PXMP2: variants seen among roughly 807,000 people sequenced by gnomAD.
PXMP2 encodes 22 kDa peroxisomal membrane protein.
A neutral mutation model predicts 20.2 loss-of-function variants in PXMP2; 13 were observed. The ratio of observed to expected loss-of-function variants is 0.64; its 90% confidence interval spans 0.42 to 1.02. The LOEUF (loss-of-function observed/expected upper bound fraction) is 1.02, where lower values mean the gene tolerates loss of function less well. Ranked by LOEUF, PXMP2 falls within the 50% of genes least tolerant of loss-of-function variation. PXMP2 has a pLI of 0.00. For missense variants in PXMP2, 284 were observed against 251.8 expected, an observed-to-expected ratio of 1.13 and a Z score of -0.87; for synonymous variants, 113 against 111.2, an observed-to-expected ratio of 1.02 and a Z score of -0.10.
chr12:132,701,161 T>C, intron 3 of PXMP2, 89 bp from the exon 4 acceptor site: 1 of 1,558,784 alleles, frequency 6.4e-7, no homozygotes, highest in Non-Finnish European at 8.7e-7. Flanking sequence ...AATAGCAGTT[T>C]AAAAACCATC....
intron 3 of PXMP2, among the ~76,000 whole-genome samples, chr12:132,699,525 GCT>G (rs1491564678): frequency 2.4e-5 from 3 of 126,014 alleles, no homozygotes; most frequent in African/African-American, 9.6e-5. Flanking sequence ...CAAAAGACAT[GCT>G]TTTTTTTTTT....
chr12:132,695,147 TAGTG>T (rs2043403490), intron 2 of PXMP2, among the ~76,000 whole-genome samples: 1 of 150,194 alleles, frequency 6.7e-6, no homozygotes, highest in Admixed American at 6.6e-5. Flanking sequence ...GCCAGTTAGT[TAGTG>T]AGCGCCCTTG....
At chr12:132,695,296 C>T (rs1268953480) in intron 2 of PXMP2, among the ~76,000 whole-genome samples, 1 of 151,324 alleles carries the variant, frequency 6.6e-6, no homozygotes, top group African/African-American at 2.4e-5. Context: ...TAGTGAGTTC[C>T]CTTGCCAGTT....
intron 2 of PXMP2, among the ~76,000 whole-genome samples, chr12:132,692,449 G>A (rs2043375267): frequency 1.2e-5 from 1 of 85,206 alleles, no homozygotes; most frequent in African/African-American, 3.9e-5. Context: ...AGCGCCCTTA[G>A]CCAGTTAGTT....
chr12:132,690,076 C>G lies in PXMP2; in HGVS notation c.123-187C>G, dbSNP rs369131078. 2.4e-4 allele frequency among the ~76,000 whole-genome samples: 36 copies of G among 152,332 alleles called. No homozygotes were observed. The South Asian group carries it at 7.0e-3, about 30-fold the overall frequency. On this transcript the variant is annotated intron_variant, in intron 1 of 4. Transcript: ENST00000317479. The stretch of plus-strand genomic sequence containing the variant: ...ATACTGGAAAGCCACTTGTCCTTAC[C>G]TGTGTGTTTAAGTCCACCGTCTCCA...
Position 132,699,562 on chromosome 12 carries a change from G to A in PXMP2, c.400-1688G>A, listed in dbSNP as rs192188972. ...TTTTTTTTTTTTGACACAGAGTCTC[G>A]CTCTTTCATCCAGGCTGGAGTGTAG... On this transcript the variant is annotated intron_variant, in intron 3 of 4. Coordinates refer to ENST00000317479, the MANE Select transcript of PXMP2 (RefSeq NM_018663.3). 3.5e-4 allele frequency among the ~76,000 whole-genome samples: 43 copies of A among 123,054 alleles called. 1 individual carries two copies. The East Asian group carries it at 8.0e-3, about 23-fold the overall frequency. 80.7% of individuals were successfully genotyped at this position (123,054 alleles called of 152,430 possible).
intron 2 of PXMP2, among the ~76,000 whole-genome samples, chr12:132,691,919 G>A (rs1485372443): frequency 6.6e-6 from 1 of 152,274 alleles, no homozygotes; most frequent in Non-Finnish European, 1.5e-5. Context: ...GGAATGATTA[G>A]TAGCAACGCA....
At chr12:132,704,161 G>C (rs2043457653) in intron 4 of PXMP2, among the ~76,000 whole-genome samples, 1 of 152,164 alleles carries the variant, frequency 6.6e-6, no homozygotes, top group Admixed American at 6.5e-5. Context: ...AGAGGATTCT[G>C]GGGAAGGGTG....
intron 4 of PXMP2, chr12:132,702,695 C>T: frequency 5.7e-6 from 1 of 176,090 alleles, no homozygotes; most frequent in South Asian, 8.5e-5. Flanking sequence ...AGTCCAGGCA[C>T]AGGGCAGGTG....
intron 4 of PXMP2, 106 bp downstream of exon 4, chr12:132,701,475 T>A: frequency 7.1e-7 from 1 of 1,407,294 alleles, no homozygotes; most frequent in Non-Finnish European, 9.5e-7. Context: ...TCTTTTCTCT[T>A]CTCTTCTTTC....
At chr12:132,687,968 C>A in intron 1 of PXMP2, 176 bp downstream of exon 1, 1 of 573,310 alleles carries the variant, frequency 1.7e-6, no homozygotes, top group Non-Finnish European at 2.3e-6. Flanking sequence ...CCCGCGTCCG[C>A]AGTCAGCGAT....
Position 132,696,651 on chromosome 12 carries a change from T to G in PXMP2, c.399+605T>G, listed in dbSNP as rs189473547. ...CGTCTCTACTAAAAATACAAAAAAT[T>G]TAGCTGGGCACAGTGGCAGTCGCCT... is the stretch of plus-strand genomic sequence containing the variant. On this transcript the variant is annotated intron_variant, in intron 3 of 4. Transcript: ENST00000317479. This position sits in a 1 kb window ranked among gnomAD's most constrained non-coding sequence, Gnocchi z 4.4. Among the ~76,000 whole-genome samples the G allele has an allele frequency of 1.6e-3, 243 of 151,762 alleles. 1 individual carries two copies. The highest frequency in any genetic ancestry group is 5.6e-3 in the African/African-American group (232 of 41,382).
At position 132,690,363 on chromosome 12, in the gene PXMP2, T is replaced by C; in HGVS notation, c.223T>C (p.Tyr75His). 6.2e-7 allele frequency: 1 copy of C among 1,612,126 alleles called. No individual in the cohort carries two copies. Among genetic ancestry groups the C allele is most frequent in the Non-Finnish European group, 8.5e-7 (1 of 1,178,856 alleles). Residue 75 changes from tyrosine to histidine, a missense_variant, in exon 2 of 5, where the codon TAT becomes CAT. Physicochemically the swap from Tyr to His is moderately conservative, Grantham distance 83. Coordinates refer to ENST00000317479, the MANE Select transcript of PXMP2 (RefSeq NM_018663.3). ...TCTGGATGTCGGTGGGCCTCTGAGATATGCCGTTTACGGGTGAGTGCCATA... is the reference window on the plus strand; with the variant it reads ...TCTGGATGTCGGTGGGCCTCTGAGACATGCCGTTTACGGGTGAGTGCCATA... ...RSLDVGGPLR[Y>H]AVYGFFFTGP...
rs773615151 is a variant in PXMP2, at chr12:132,704,748, G to T, written c.*61G>T. 5 of 1,512,926 alleles carry T rather than the reference G, an allele frequency of 3.3e-6. No individual in the cohort carries two copies. The highest frequency in any genetic ancestry group is 4.6e-6 in the Non-Finnish European group (5 of 1,093,518). The allele number at this position is 1,512,926 out of a possible 1,614,324, so 93.7% of individuals were successfully genotyped here. The stretch of plus-strand genomic sequence containing the variant: ...TGGGTCTGGGGGTCTCACCCGCCCA[G>T]CGAGAGCAGAACCAATCCAGTCAGG... On this transcript the variant is annotated 3_prime_UTR_variant, in exon 5 of 5. Coordinates refer to ENST00000317479, the MANE Select transcript of PXMP2 (RefSeq NM_018663.3).
chr12:132,694,444 T>C (rs1219219004), intron 2 of PXMP2, among the ~76,000 whole-genome samples: 1 of 92,510 alleles, frequency 1.1e-5, no homozygotes, highest in Non-Finnish European at 2.4e-5. Context: ...AGTTAGTTAG[T>C]GAGCTCCCTT....
chr12:132,687,908 C>A (rs1197110788), intron 1 of PXMP2, 116 bp downstream of exon 1: 1 of 990,444 alleles, frequency 1.0e-6, no homozygotes, highest in African/African-American at 1.7e-5. Context: ...CGGGTCAGAA[C>A]CCCCGGAGCG....
intron 3 of PXMP2, among the ~76,000 whole-genome samples, chr12:132,698,045 A>G (rs957535251): frequency 7.8e-5 from 11 of 140,836 alleles, no homozygotes; most frequent in Non-Finnish European, 1.7e-4. Flanking sequence ...GGAGTCTCAC[A>G]CTGTTGCCCA....
chr12:132,697,634 C>G (rs2043417714), intron 3 of PXMP2, among the ~76,000 whole-genome samples: 1 of 152,054 alleles, frequency 6.6e-6, no homozygotes, highest in South Asian at 2.1e-4. Context: ...TCTTGAACTC[C>G]TGACCTCGTG....
chr12:132,692,499 C>T (rs1593104893), intron 2 of PXMP2, among the ~76,000 whole-genome samples: 1 of 112,000 alleles, frequency 8.9e-6, no homozygotes, highest in African/African-American at 3.1e-5. Context: ...GCTCCCTTAG[C>T]CAGTTAGTTA....
Sources: gnomAD v4.1 joint callset for allele counts (sites outside exome capture counted in the v4.1 genomes callset) on GRCh38, gnomAD v4.1.1 for gene constraint, Gnocchi (gnomAD v3.1) non-coding constraint, MANE v1.5 for transcripts, NCBI Gene and HGNC (gene_info 2026-07-23, HGNC 2026-07-21) for gene names.